The following LUC7L3 variants were observed in gnomAD, a reference collection of about 807,000 sequenced individuals.
The protein encoded by LUC7L3 is luc7-like protein 3.
LUC7L3 carries 6 observed loss-of-function variants against 66.8 expected under a neutral mutation model. The ratio of observed to expected loss-of-function variants is 0.09; its 90% CI spans 0.05 to 0.18. The LOEUF (loss-of-function observed/expected upper bound fraction) is 0.18. Ranked by LOEUF, LUC7L3 falls within the 10% of genes least tolerant of loss-of-function variation. The pLI, the probability that LUC7L3 is intolerant of heterozygous loss-of-function variation, is 1.00. For synonymous variants in LUC7L3, 160 were observed against 174.7 expected (o/e 0.92, Z 0.66); for missense variants, 341 against 531.1 (o/e 0.64, Z 3.52).
chr17:50,741,228 A>C lies in LUC7L3; in HGVS notation c.333A>C (p.Gln111His). 1 of 1,614,182 alleles carries C rather than the reference A, an allele frequency of 6.2e-7. No homozygotes were observed. The highest frequency in any genetic ancestry group is 8.5e-7 in the Non-Finnish European group (1 of 1,180,020). ...GCCATGCTCGTTTGGCATTATCTCAAAACCAGCAGTCTTCTGGGGTAAGTG... is the reference window on the plus strand; with the variant it reads ...GCCATGCTCGTTTGGCATTATCTCACAACCAGCAGTCTTCTGGGGTAAGTG... ...RRGHARLALS[Q>H]NQQSSGAAGP... The change falls in exon 4 of 10, where the codon CAA (glutamine) becomes CAC (histidine). Residue 111 changes from glutamine (Q) to histidine (H), a missense_variant. By Grantham distance (24) the Gln-to-His change is conservative. Transcript: ENST00000505658.
chr17:50,750,383 C>CTT (rs773823860), intron 9 of LUC7L3, 118 bp from the exon 10 acceptor site: 3 of 930,696 alleles, frequency 3.2e-6, no homozygotes, highest in Non-Finnish European at 4.9e-6. Flanking sequence ...CAAACCGTTG[C>CTT]TTGCAGTCTG....
intron 8 of LUC7L3, 124 bp downstream of exon 8, chr17:50,746,127 G>A: frequency 7.3e-7 from 1 of 1,362,178 alleles, no homozygotes; most frequent in Non-Finnish European, 9.5e-7. Flanking sequence ...GTGATAGGAT[G>A]GGTTGCGAGA....
In LUC7L3 at chr17:50,753,449, C is replaced by T. The variant is rs953650031; in HGVS notation, c.*2788C>T. On this transcript the variant is annotated 3_prime_UTR_variant, in exon 10 of 10. Coordinates refer to ENST00000505658, the MANE Select transcript of LUC7L3 (RefSeq NM_016424.5). ...ATTGTTAAAGAATTTACTAAAATCT[C>T]TTCCACCAAACTTTGAAAAATAATG... 16 of 152,498 alleles carry T rather than the reference C, an allele frequency of 1.0e-4. No homozygotes were observed. Among genetic ancestry groups the T allele is most frequent in the Non-Finnish European group, 2.4e-4 (16 of 68,022 alleles). 9.4% of individuals were successfully genotyped at this position (152,498 alleles called of 1,614,324 possible).
At chr17:50,743,578 C>T in intron 5 of LUC7L3, 128 bp from the exon 6 acceptor site, 1 of 621,224 alleles carries the variant, frequency 1.6e-6, no homozygotes, top group Non-Finnish European at 2.8e-6. Context: ...AAATTAAACC[C>T]AAAGAGGCTT....
At chr17:50,738,780 A>T (rs1308894025) in intron 2 of LUC7L3, among the ~76,000 whole-genome samples, 1 of 152,214 alleles carries the variant, frequency 6.6e-6, no homozygotes, top group Non-Finnish European at 1.5e-5. Flanking sequence ...TTAAGAAAAA[A>T]AATTTGCAGT....
At chr17:50,725,800 A>G (rs1969142571) in intron 1 of LUC7L3, among the ~76,000 whole-genome samples, 1 of 152,274 alleles carries the variant, frequency 6.6e-6, no homozygotes, top group South Asian at 2.1e-4. Context: ...AGATGTATAT[A>G]CTAGTTTATC....
chr17:50,736,431 A>G (rs1158543488), intron 1 of LUC7L3, among the ~76,000 whole-genome samples: 1 of 152,202 alleles, frequency 6.6e-6, no homozygotes, highest in Non-Finnish European at 1.5e-5. Context: ...CATCTTTCCA[A>G]AATATTTTAA....
At chr17:50,729,896 T>A (rs8079192) in intron 1 of LUC7L3, among the ~76,000 whole-genome samples, 20 of 65,584 alleles carry the variant, frequency 3.0e-4, no homozygotes, top group African/African-American at 4.4e-4. Flanking sequence ...TATAAATACA[T>A]TATATATATA....
intron 1 of LUC7L3, 91 bp from the exon 2 acceptor site, chr17:50,736,869 C>A: frequency 1.3e-6 from 1 of 773,312 alleles, no homozygotes. Flanking sequence ...ATACATACCT[C>A]AAGAAATGAG....
intron 5 of LUC7L3, among the ~76,000 whole-genome samples, chr17:50,742,793 C>CA (rs1005849037): frequency 2.0e-4 from 30 of 151,394 alleles, no homozygotes; most frequent in African/African-American, 6.3e-4. Context: ...CATAATGGCA[C>CA]AAAAAAAATA....
At chr17:50,742,618 C>T (rs2146757321) in intron 5 of LUC7L3, among the ~76,000 whole-genome samples, 1 of 152,270 alleles carries the variant, frequency 6.6e-6, no homozygotes, top group East Asian at 1.9e-4. Flanking sequence ...CTTGGCTTCC[C>T]AAAGTGTTGA....
At chr17:50,747,583 A>G (rs905940827) in intron 9 of LUC7L3, among the ~76,000 whole-genome samples, 1 of 152,064 alleles carries the variant, frequency 6.6e-6, no homozygotes, top group African/African-American at 2.4e-5. Context: ...AGCATAATAT[A>G]TGTGCTACTA....
intron 1 of LUC7L3, among the ~76,000 whole-genome samples, chr17:50,733,725 G>C (rs1969795731): frequency 6.6e-6 from 1 of 152,142 alleles, no homozygotes; most frequent in Admixed American, 6.6e-5. Flanking sequence ...ATGTGTGTGA[G>C]GATGGCACAC....
At chr17:50,735,373 A>G (rs888438092) in intron 1 of LUC7L3, among the ~76,000 whole-genome samples, 7 of 152,228 alleles carry the variant, frequency 4.6e-5, no homozygotes, top group African/African-American at 1.7e-4. Context: ...CGTTGAGGAA[A>G]AAAAAGGCCT....
At position 50,741,295 on chromosome 17, in the gene LUC7L3, A is replaced by G. The variant is rs185949409; in HGVS notation, c.351+49A>G. ...TGTAAACGGTCCTTGTTTTCTGGAG[A>G]TTCAGAGACCTCCCTAATATTTTTG... is the stretch of plus-strand genomic sequence containing the variant. On this transcript the variant is annotated intron_variant, in intron 4 of 9. Transcript: ENST00000505658. 6 of 1,560,474 alleles carry G rather than the reference A, an allele frequency of 3.8e-6. No individual in the cohort carries two copies. In the African/African-American group the frequency reaches 5.5e-5, roughly 14 times the overall value.
In LUC7L3 at chr17:50,755,325, T is replaced by C. The variant is rs368339246; in HGVS notation, c.*4664T>C. The C allele has an allele frequency of 5.9e-5, 9 of 152,314 alleles. No individual in the cohort carries two copies. Among genetic ancestry groups the C allele is most frequent in the South Asian group, 4.1e-4 (2 of 4,830 alleles). The allele number at this position is 152,314 out of a possible 1,614,324, so 9.4% of individuals were successfully genotyped here. ...GGGAGATGGGAGGTGGGAGGAAATA[T>C]AAACATATATGTATAGATCTTTCAA... On this transcript the variant is annotated 3_prime_UTR_variant, in exon 10 of 10. Coordinates refer to ENST00000505658, the MANE Select transcript of LUC7L3 (RefSeq NM_016424.5).
chr17:50,719,888 C>G, intron 1 of LUC7L3, 57 bp downstream of exon 1: 1 of 1,502,922 alleles, frequency 6.7e-7, no homozygotes, highest in East Asian at 2.4e-5. Context: ...GGAGCGGGCG[C>G]GGGCTGTGGC....
intron 7 of LUC7L3, 47 bp downstream of exon 7, chr17:50,744,860 A>G (rs756953362): frequency 2.4e-5 from 37 of 1,536,412 alleles, no homozygotes; most frequent in Non-Finnish European, 3.1e-5. Context: ...TCTGTCACCT[A>G]GAGTGCAGTG....
chr17:50,739,640 C>CA (rs1265782977), intron 2 of LUC7L3, among the ~76,000 whole-genome samples: 2 of 127,498 alleles, frequency 1.6e-5, no homozygotes, highest in African/African-American at 3.3e-5. Flanking sequence ...GGCGACAGAG[C>CA]AAGACTCTAT....
Sources: allele counts gnomAD v4.1 joint callset (sites outside exome capture counted in the v4.1 genomes callset), GRCh38; gene constraint gnomAD v4.1.1; transcripts MANE v1.5; gene names NCBI Gene and HGNC (gene_info 2026-07-23, HGNC 2026-07-21).